VWA5B2: variants seen among roughly 807,000 people sequenced by gnomAD.
VWA5B2 encodes the protein von Willebrand factor A domain containing 5B2.
A neutral mutation model predicts 118.5 loss-of-function variants in VWA5B2; 93 were observed. The observed-to-expected ratio is 0.79, with a 90% CI of 0.66 to 0.93. The LOEUF is 0.93. Ranked by LOEUF, VWA5B2 falls within the 40% of genes least tolerant of loss-of-function variation. The pLI, the probability that VWA5B2 is intolerant of heterozygous loss-of-function variation, is 0.00. For missense variants in VWA5B2, 1,546 were observed against 1,672.8 expected, an observed-to-expected ratio of 0.92 and a Z score of 1.32; for synonymous variants, 708 against 716.3, an observed-to-expected ratio of 0.99 and a Z score of 0.19.
In VWA5B2 at chr3:184,240,874, G is replaced by T; in HGVS notation, c.2824G>T (p.Val942Leu). Residue 942 changes from valine (V) to leucine (L), a missense_variant, in exon 17 of 20, where the codon GTG becomes TTG. Coordinates refer to ENST00000691901, the MANE Select transcript of VWA5B2 (RefSeq NM_001390846.1). Reference protein sequence around the residue: ...APSCFTCPVAVDATTREVLPG... With the variant: ...APSCFTCPVALDATTREVLPG... Reference sequence around the variant, plus strand: ...CTCCTGCTTCACTTGCCCTGTAGCTGTGGATGCTACTACTAGGGAGGTCCT... The same window carrying T: ...CTCCTGCTTCACTTGCCCTGTAGCTTTGGATGCTACTACTAGGGAGGTCCT... 6.4e-7 allele frequency: 1 copy of T among 1,551,700 alleles called. No individual in the cohort carries two copies. The highest frequency in any genetic ancestry group is 8.7e-7 in the Non-Finnish European group (1 of 1,146,984).
In VWA5B2 at chr3:184,241,286, G is replaced by A. The variant is rs748518209; in HGVS notation, c.3062G>A (p.Arg1021His). ...CCTGCCACTCCCACGGAAGGTCCTC[G>A]CCGCCCACCTCCCCGTCCTCCCTGT... is the stretch of plus-strand genomic sequence containing the variant. ...GDPATPTEGP[R>H]RPPPRPPCRL... The change falls in exon 19 of 20, where the codon CGC (arginine) becomes CAC (histidine). Residue 1021 changes from arginine (R) to histidine (H), a missense_variant. By Grantham distance (29) the Arg-to-His change is conservative. Transcript: ENST00000691901. The surrounding 1 kb of genome is among the most constrained non-coding windows in gnomAD (Gnocchi z 5.1). The A allele has an allele frequency of 6.4e-7, 1 of 1,551,278 alleles. No homozygotes were observed. The highest frequency in any genetic ancestry group is 8.7e-7 in the Non-Finnish European group (1 of 1,146,968).
At position 184,230,785 on chromosome 3, in the gene VWA5B2, T is replaced by C; in HGVS notation, c.178T>C (p.Ser60Pro). The change falls in exon 3 of 20, where the codon TCC (serine) becomes CCC (proline). Residue 60 changes from serine to proline, a missense_variant. This residue lies in a region of VWA5B2 where 775 missense variants were observed against 882.3 expected (regional missense o/e 0.88). Coordinates refer to ENST00000691901, the MANE Select transcript of VWA5B2 (RefSeq NM_001390846.1). ...VYPLAEAEVV[S>P]GFEAEAAGRR... ...CCCGCTGGCCGAGGCCGAGGTGGTG[T>C]CCGGCTTCGAGGCCGAGGCCGCCGG... The C allele has an allele frequency of 8.1e-7, 1 of 1,241,176 alleles. No individual in the cohort carries two copies. 76.9% of individuals were successfully genotyped at this position (1,241,176 alleles called of 1,614,324 possible). A position where few individuals can be genotyped will look rare whatever the true frequency, so the allele number is the denominator to read the frequency against.
At position 184,233,978 on chromosome 3, in the gene VWA5B2, C is replaced by T. The variant is rs920913287; in HGVS notation, c.688+245C>T. On this transcript the variant is annotated intron_variant, in intron 5 of 19. Coordinates refer to ENST00000691901, the MANE Select transcript of VWA5B2 (RefSeq NM_001390846.1). The surrounding 1 kb of genome is among the most constrained non-coding windows in gnomAD (Gnocchi z 5.2). ...CCACCCAGCAGTGGGAAGAGAGATA[C>T]TTACAATGGGACTAGTACCTGTGAT... is the stretch of plus-strand genomic sequence containing the variant. Among the ~76,000 whole-genome samples, 2 of 152,196 alleles carry T rather than the reference C, an allele frequency of 1.3e-5. No individual in the cohort carries two copies. Among genetic ancestry groups the T allele is most frequent in the African/African-American group, 4.8e-5 (2 of 41,446 alleles).
Position 184,239,621 on chromosome 3 carries a change from A to G in VWA5B2, c.2392+38A>G. The G allele has an allele frequency of 2.7e-6, 4 of 1,482,940 alleles. No homozygotes were observed. The highest frequency in any genetic ancestry group is 2.7e-5 in the South Asian group (2 of 73,380). The allele number at this position is 1,482,940 out of a possible 1,614,324, so 91.9% of individuals were successfully genotyped here. ...TGGGGAGCTGGTTTCCCTGACACCA[A>G]AGAGGCCTTGGGGAGGTAAAGCCCA... On this transcript the variant is annotated intron_variant, in intron 15 of 19. Transcript: ENST00000691901. This position sits in a 1 kb window ranked among gnomAD's most constrained non-coding sequence, Gnocchi z 5.1.
At position 184,230,931 on chromosome 3, in the gene VWA5B2, G is replaced by A. The variant is rs1444944048; in HGVS notation, c.310+14G>A. ...GCTGCGCGCAGGGTGAGTTCCGCGC[G>A]CCCGCACCCGCGCTCCTGAAAGCCG... On this transcript the variant is annotated intron_variant, in intron 3 of 19. Coordinates refer to ENST00000691901, the MANE Select transcript of VWA5B2 (RefSeq NM_001390846.1). The A allele has an allele frequency of 3.3e-6, 4 of 1,211,496 alleles. No individual in the cohort carries two copies. The highest frequency in any genetic ancestry group is 4.1e-5 in the South Asian group (1 of 24,478). 75.0% of individuals were successfully genotyped at this position (1,211,496 alleles called of 1,614,324 possible). A position where few individuals can be genotyped will look rare whatever the true frequency, so the allele number is the denominator to read the frequency against.
In VWA5B2 at chr3:184,240,818, C is replaced by A; in HGVS notation, c.2768C>A (p.Ala923Asp). The change falls in exon 17 of 20, where the codon GCC becomes GAC. Residue 923 changes from alanine (A) to aspartate (D), a missense_variant. Coordinates refer to ENST00000691901, the MANE Select transcript of VWA5B2 (RefSeq NM_001390846.1). ...RGHARRCWLR[A>D]LQTSKVSSAP... ...CATGCCCGGAGGTGCTGGCTTCGAG[C>A]CCTTCAGACAAGTAAGGTCAGCTCT... 6.4e-7 allele frequency: 1 copy of A among 1,551,506 alleles called. No individual in the cohort carries two copies. Among genetic ancestry groups the A allele is most frequent in the Non-Finnish European group, 8.7e-7 (1 of 1,146,958 alleles).
At chr3:184,231,288 G>A (rs1717378799) in intron 3 of VWA5B2, among the ~76,000 whole-genome samples, 1 of 152,156 alleles carries the variant, frequency 6.6e-6, no homozygotes, top group African/African-American at 2.4e-5. Context: ...CCCCGCGTGG[G>A]CCAGTGAATC....
chr3:184,241,180 A>G lies in VWA5B2; in HGVS notation c.2963-7A>G, dbSNP rs1332392279. ...CCGCCCCCTGGCACTGATGATCCCC[A>G]CTGCAGGACTTCAGAGAGGCTCTCC... On this transcript the variant is annotated splice_polypyrimidine_tract_variant and splice_region_variant and intron_variant, in intron 18 of 19. Transcript: ENST00000691901. The surrounding 1 kb of genome is among the most constrained non-coding windows in gnomAD (Gnocchi z 5.1). The G allele has an allele frequency of 6.4e-7, 1 of 1,550,830 alleles. No individual in the cohort carries two copies.
rs1485646950 is a variant in VWA5B2 at position 184,239,937 on chromosome 3, G to T, written c.2641G>T (p.Ala881Ser). 1 of 1,551,360 alleles carries T rather than the reference G, an allele frequency of 6.4e-7. No individual in the cohort carries two copies. The highest frequency in any genetic ancestry group is 8.7e-7 in the Non-Finnish European group (1 of 1,146,984). Residue 881 changes from alanine (A) to serine (S), a missense_variant, in exon 16 of 20, where the codon GCT becomes TCT. Physicochemically the swap from Ala to Ser is moderately conservative, Grantham distance 99 (BLOSUM62 1). Coordinates refer to ENST00000691901, the MANE Select transcript of VWA5B2 (RefSeq NM_001390846.1). The surrounding 1 kb of genome is among the most constrained non-coding windows in gnomAD (Gnocchi z 5.1). Reference protein sequence around the residue: ...QPPSPPVREAAWDQALHRLTA... With the variant: ...QPPSPPVREASWDQALHRLTA... ...TCCCTCACCTCCTGTAAGAGAAGCT[G>T]CTTGGGACCAAGCACTCCATCGGCT...
In VWA5B2 at chr3:184,235,209, G is replaced by A. The variant is rs184105636; in HGVS notation, c.1002G>A (p.Ala334=). 765 of 1,551,666 alleles carry A rather than the reference G, an allele frequency of 4.9e-4. 1 individual carries two copies. The African/African-American group carries it at 7.5e-3, about 15-fold the overall frequency. ...HKDILLNPVL[A]LSFCPDLSSK... ...ACATCCTGCTGAACCCCGTGCTGGC[G>A]CTGAGCTTCTGCCCAGACCTGAGCT... The change falls in exon 8 of 20, where the codon GCG becomes GCA. Residue 334 remains alanine, a synonymous_variant. Transcript: ENST00000691901.
At position 184,240,797 on chromosome 3, in the gene VWA5B2, C is replaced by T. The variant is rs1187707481; in HGVS notation, c.2747C>T (p.Ala916Val). ...GAETTADRGH[A>V]RRCWLRALQT... ...CTGCTCCTTGGTTCCACAGGCCATGCCCGGAGGTGCTGGCTTCGAGCCCTT... is the reference window on the plus strand; with the variant it reads ...CTGCTCCTTGGTTCCACAGGCCATGTCCGGAGGTGCTGGCTTCGAGCCCTT... The change falls in exon 17 of 20, where the codon GCC becomes GTC. Residue 916 changes from alanine to valine, a missense_variant. Physicochemically the swap from Ala to Val is moderately conservative, Grantham distance 64. Coordinates refer to ENST00000691901, the MANE Select transcript of VWA5B2 (RefSeq NM_001390846.1). The T allele has an allele frequency of 6.4e-7, 1 of 1,550,786 alleles. No homozygotes were observed.
intron 3 of VWA5B2, among the ~76,000 whole-genome samples, chr3:184,232,406 CCTTT>C (rs1390853841): frequency 6.6e-6 from 1 of 152,122 alleles, no homozygotes; most frequent in East Asian, 1.9e-4. Context: ...GATGGAAGCC[CCTTT>C]CTTTCTTTCC....
rs1314150337 is a variant in VWA5B2, at chr3:184,238,415, G to C, written c.1832G>C (p.Gly611Ala). 1.9e-6 allele frequency: 3 copies of C among 1,550,686 alleles called. No homozygotes were observed. The highest frequency in any genetic ancestry group is 2.6e-6 in the Non-Finnish European group (3 of 1,146,812). ...CCCACTGGCACCTCAGAGCCACTGG[G>C]AACAGGCACTGTCTCAGCAGAACTG... ...TEPTGTSEPLGTGTVSAELSS... is the reference protein window; with the variant it reads ...TEPTGTSEPLATGTVSAELSS... The change falls in exon 13 of 20, where the codon GGA becomes GCA. Residue 611 changes from glycine to alanine, a missense_variant. Gly to Ala is a moderately conservative substitution (Grantham distance 60). Around this residue, in one of 3 missense-constraint regions of VWA5B2, gnomAD observed 775 missense variants for 882.3 expected, o/e 0.88. Coordinates refer to ENST00000691901, the MANE Select transcript of VWA5B2 (RefSeq NM_001390846.1). The surrounding 1 kb of genome is among the most constrained non-coding windows in gnomAD (Gnocchi z 5.0).
Position 184,237,433 on chromosome 3 carries a change from G to A in VWA5B2, c.1719+22G>A. 2.6e-6 allele frequency: 4 copies of A among 1,539,148 alleles called. No homozygotes were observed. The highest frequency in any genetic ancestry group is 2.6e-6 in the Non-Finnish European group (3 of 1,138,332). On this transcript the variant is annotated intron_variant, in intron 12 of 19. Transcript: ENST00000691901. The surrounding 1 kb of genome is among the most constrained non-coding windows in gnomAD (Gnocchi z 5.6). ...AGGGGTAAGCTTGGGCTGGGGTGTG[G>A]TAGGGGGGCTAGGGTGAGGTAGGGG...
rs867799315 is a variant in VWA5B2, at chr3:184,241,362, G to A, written c.3138G>A (p.Gln1046=). The A allele has an allele frequency of 5.4e-5, 84 of 1,558,632 alleles. 2 individuals are homozygous for A. In the Middle Eastern group the frequency reaches 7.0e-3, roughly 130 times the overall value. ...AACTCTGTAGCCCTGACCCGGGCCAGGCCAACAACAGTGAAGGCAGCGACC... is the reference window on the plus strand; with the variant it reads ...AACTCTGTAGCCCTGACCCGGGCCAAGCCAACAACAGTGAAGGCAGCGACC... The part of the protein sequence containing the change: ...RHKLCSPDPG[Q]ANNSEGSDHD... Residue 1046 remains glutamine, a synonymous_variant, in exon 19 of 20, where the codon CAG becomes CAA. Coordinates refer to ENST00000691901, the MANE Select transcript of VWA5B2 (RefSeq NM_001390846.1). The surrounding 1 kb of genome is among the most constrained non-coding windows in gnomAD (Gnocchi z 5.1).
intron 1 of VWA5B2, among the ~76,000 whole-genome samples, chr3:184,230,074 G>T (rs1172291281): frequency 1.3e-5 from 2 of 152,156 alleles, no homozygotes; most frequent in African/African-American, 4.8e-5. Flanking sequence ...GGGGGATTCG[G>T]GCCCTTTAAA....
At chr3:184,240,696 A>T in intron 16 of VWA5B2, 95 bp from the exon 17 acceptor site, 2 of 1,475,506 alleles carry the variant, frequency 1.4e-6, no homozygotes, top group Non-Finnish European at 1.8e-6. Flanking sequence ...AAGTCGATAG[A>T]GGGAGAAGCT....
intron 16 of VWA5B2, among the ~76,000 whole-genome samples, chr3:184,240,244 G>C (rs1718435044): frequency 6.6e-6 from 1 of 152,230 alleles, no homozygotes; most frequent in Non-Finnish European, 1.5e-5. Context: ...AAAGGTGCAT[G>C]CTGTGAGGTT....
At position 184,229,595 on chromosome 3, in the gene VWA5B2, C is replaced by T. The variant is rs569249772; in HGVS notation, c.-268C>T. ...CCCCTGCCGGGACTCAGAGCCGCTG[C>T]AGCCACAGTCACGAACTGGCGGCCG... On this transcript the variant is annotated 5_prime_UTR_variant, in exon 1 of 20. Transcript: ENST00000691901. Among the ~76,000 whole-genome samples the T allele has an allele frequency of 5.6e-4, 85 of 152,310 alleles. No homozygotes were observed. Among genetic ancestry groups the T allele is most frequent in the African/African-American group, 1.9e-3 (81 of 41,574 alleles).
Sources: gnomAD v4.1 joint callset for allele counts (sites outside exome capture counted in the v4.1 genomes callset) on GRCh38, gnomAD v4.1.1 for gene constraint, gnomAD v4.1.1 regional missense constraint, Gnocchi (gnomAD v3.1) non-coding constraint, MANE v1.5 for transcripts, NCBI Gene and HGNC (gene_info 2026-07-23, HGNC 2026-07-21) for gene names.